TMOD3: variants seen among roughly 807,000 people sequenced by gnomAD.
TMOD3 encodes tropomodulin-3.
A neutral mutation model predicts 39.2 loss-of-function variants in TMOD3; 20 were observed. That is an observed-to-expected ratio of 0.51 (90% CI 0.36 to 0.74). TMOD3 has a LOEUF of 0.74. Among genes scored for constraint, TMOD3 ranks in the 30% least tolerant of loss-of-function variants. The pLI, the probability that TMOD3 is intolerant of heterozygous loss-of-function variation, is 0.00. For synonymous variants in TMOD3, 143 were observed against 145.8 expected, an observed-to-expected ratio of 0.98 and a Z score of 0.14; for missense variants, 381 against 412.8, an observed-to-expected ratio of 0.92 and a Z score of 0.67.
intron 3 of TMOD3, among the ~76,000 whole-genome samples, chr15:51,882,514 A>G (rs1427658523): frequency 6.6e-6 from 1 of 152,138 alleles, no homozygotes; most frequent in East Asian, 1.9e-4. Context: ...AAAAAAACCA[A>G]AAACAAAAAA....
intron 3 of TMOD3, among the ~76,000 whole-genome samples, chr15:51,881,380 T>C (rs1421739495): frequency 2.6e-5 from 4 of 152,136 alleles, no homozygotes; most frequent in Non-Finnish European, 5.9e-5. Flanking sequence ...GTTTCTCCTA[T>C]TCAGCAGATT....
chr15:51,865,797 G>A (rs908071569), intron 2 of TMOD3, among the ~76,000 whole-genome samples: 9 of 152,122 alleles, frequency 5.9e-5, no homozygotes, highest in East Asian at 3.8e-4. Flanking sequence ...GAAGTAGGTC[G>A]AAGGTGTGTG....
Position 51,897,369 on chromosome 15 carries a change from C to T in TMOD3, c.735+843C>T, listed in dbSNP as rs528412814. 1.3e-4 allele frequency among the ~76,000 whole-genome samples: 19 copies of T among 151,784 alleles called. No homozygotes were observed. In the East Asian group the frequency reaches 3.7e-3, roughly 29 times the overall value. ...ACTTGGATGTCTAATGGACATCTTACATGTAAGTCCTCAAACTCCTGACTT... is the reference window on the plus strand; with the variant it reads ...ACTTGGATGTCTAATGGACATCTTATATGTAAGTCCTCAAACTCCTGACTT... On this transcript the variant is annotated intron_variant, in intron 7 of 9. Transcript: ENST00000308580.
chr15:51,890,506 T>C (rs963057948), intron 5 of TMOD3, among the ~76,000 whole-genome samples: 5 of 152,094 alleles, frequency 3.3e-5, no homozygotes, highest in Non-Finnish European at 1.5e-5. Context: ...CTGTGGGCCA[T>C]GTTGTGTGCA....
intron 1 of TMOD3, chr15:51,861,226 C>A: frequency 2.2e-6 from 1 of 446,388 alleles, no homozygotes; most frequent in South Asian, 1.9e-5. Flanking sequence ...CTGAACAGTC[C>A]AATGTGCTCT....
intron 5 of TMOD3, among the ~76,000 whole-genome samples, chr15:51,891,220 CAGTT>C (rs2056591383): frequency 6.7e-6 from 1 of 149,834 alleles, no homozygotes; most frequent in Non-Finnish European, 1.5e-5. Flanking sequence ...AATTTCTTAA[CAGTT>C]CTCCTCCCCA....
intron 6 of TMOD3, among the ~76,000 whole-genome samples, chr15:51,895,366 T>A (rs2554312): frequency 0.033 from 5,048 of 151,976 alleles, 279 homozygotes; most frequent in African/African-American, 0.12. Flanking sequence ...ATTACAGGCA[T>A]CCACCACCAC....
intron 7 of TMOD3, chr15:51,898,925 A>C (rs1271950197): frequency 6.6e-6 from 1 of 151,894 alleles, no homozygotes; most frequent in East Asian, 1.9e-4. Context: ...TAATTAATCA[A>C]TATGGTACTT....
Position 51,910,616 on chromosome 15 carries a change from C to T in TMOD3, c.*1806C>T, listed in dbSNP as rs2141714084. ...AAACAAACTTTTTGAAATTGAATTG[C>T]AATATGTCTGCTACTTTGGCTTGGG... On this transcript the variant is annotated 3_prime_UTR_variant, in exon 10 of 10. Coordinates refer to ENST00000308580, the MANE Select transcript of TMOD3 (RefSeq NM_014547.5). The T allele has an allele frequency of 6.6e-6, 1 of 152,468 alleles. No individual in the cohort carries two copies. The highest frequency in any genetic ancestry group is 2.4e-5 in the African/African-American group (1 of 41,574). 9.4% of individuals were successfully genotyped at this position (152,468 alleles called of 1,614,324 possible). A position where few individuals can be genotyped will look rare whatever the true frequency, so the allele number is the denominator to read the frequency against.
chr15:51,887,902 A>G (rs1355548576), intron 4 of TMOD3, among the ~76,000 whole-genome samples, 191 bp downstream of exon 4: 1 of 152,250 alleles, frequency 6.6e-6, no homozygotes, highest in Non-Finnish European at 1.5e-5. Flanking sequence ...AATACTCTCA[A>G]TAGCAAAATG....
chr15:51,842,378 A>G (rs2056316567), intron 1 of TMOD3, among the ~76,000 whole-genome samples: 1 of 152,224 alleles, frequency 6.6e-6, no homozygotes, highest in African/African-American at 2.4e-5. Context: ...CTTTACGTAT[A>G]CAGCTTGATG....
Position 51,908,911 on chromosome 15 carries a change from A to G in TMOD3, c.*101A>G. 1 of 996,566 alleles carries G rather than the reference A, an allele frequency of 1.0e-6. No homozygotes were observed. Among genetic ancestry groups the G allele is most frequent in the Non-Finnish European group, 1.4e-6 (1 of 691,766 alleles). 61.7% of individuals were successfully genotyped at this position (996,566 alleles called of 1,614,324 possible). A position where few individuals can be genotyped will look rare whatever the true frequency, so the allele number is the denominator to read the frequency against. ...TCCTGGGTAGAAGGGAAAAGACTGG[A>G]AAAATTTTTTTAGTGACATGCATTT... On this transcript the variant is annotated 3_prime_UTR_variant, in exon 10 of 10. Transcript: ENST00000308580.
chr15:51,883,394 T>A (rs1193064542), intron 3 of TMOD3, among the ~76,000 whole-genome samples: 4 of 152,230 alleles, frequency 2.6e-5, no homozygotes, highest in Admixed American at 6.5e-5. Flanking sequence ...ATTTTTATGA[T>A]GCTTTAGATT....
rs1595906684 is a variant in TMOD3, at chr15:51,887,713, TA to T, written c.406+3del. ...ATACAGAATTGTGTGACCTCGCAGG[TA>T]TCACCTAAAACAAGTTAATTTGTGA... On this transcript the variant is annotated splice_donor_region_variant and intron_variant, in intron 4 of 9. Coordinates refer to ENST00000308580, the MANE Select transcript of TMOD3 (RefSeq NM_014547.5). 3.7e-6 allele frequency: 6 copies of T among 1,613,664 alleles called. No individual in the cohort carries two copies. Among genetic ancestry groups the T allele is most frequent in the Non-Finnish European group, 5.1e-6 (6 of 1,179,902 alleles).
At position 51,913,625 on chromosome 15, in the gene TMOD3, C is replaced by G. The variant is rs2056721579; in HGVS notation, c.*4815C>G. On this transcript the variant is annotated 3_prime_UTR_variant, in exon 10 of 10. Transcript: ENST00000308580. ...TTAATTTTAAACTCTATCTTGCAGTCTGATCATTCAGAAAGGTCAACCTAG... is the reference window on the plus strand; with the variant it reads ...TTAATTTTAAACTCTATCTTGCAGTGTGATCATTCAGAAAGGTCAACCTAG... The G allele has an allele frequency of 1.3e-5, 2 of 152,154 alleles. 1 individual carries two copies. Among genetic ancestry groups the G allele is most frequent in the South Asian group, 4.1e-4 (2 of 4,834 alleles). 9.4% of individuals were successfully genotyped at this position (152,154 alleles called of 1,614,324 possible). A position where few individuals can be genotyped will look rare whatever the true frequency, so the allele number is the denominator to read the frequency against.
intron 3 of TMOD3, among the ~76,000 whole-genome samples, chr15:51,884,864 C>T (rs972105918): frequency 1.3e-5 from 2 of 152,198 alleles, no homozygotes; most frequent in Admixed American, 1.3e-4. Flanking sequence ...GAACCACCTT[C>T]CTGTGGGCTT....
intron 6 of TMOD3, among the ~76,000 whole-genome samples, chr15:51,894,610 G>A (rs1044146242): frequency 6.6e-6 from 1 of 152,084 alleles, no homozygotes; most frequent in Non-Finnish European, 1.5e-5. Flanking sequence ...GACAACCACT[G>A]ACCTATTTTC....
chr15:51,830,451 G>T (rs986133287), intron 1 of TMOD3, among the ~76,000 whole-genome samples: 9 of 152,166 alleles, frequency 5.9e-5, no homozygotes, highest in African/African-American at 1.9e-4. Context: ...TGCTTGCGGG[G>T]GATGGTGTGT....
chr15:51,835,460 C>T (rs1449184541), intron 1 of TMOD3, among the ~76,000 whole-genome samples: 1 of 152,114 alleles, frequency 6.6e-6, no homozygotes. Flanking sequence ...AGGCATGCAC[C>T]ACCATAACTG....
Sources: gnomAD v4.1 joint callset for allele counts (sites outside exome capture counted in the v4.1 genomes callset) on GRCh38, gnomAD v4.1.1 for gene constraint, MANE v1.5 for transcripts, NCBI Gene and HGNC (gene_info 2026-07-23, HGNC 2026-07-21) for gene names.